Variants in ZBTB41 observed in about 807,000 individuals in gnomAD.
The protein encoded by ZBTB41 is zinc finger and BTB domain-containing protein 41.
Under a neutral mutation model 87.6 loss-of-function variants are expected in ZBTB41, and 42 were observed. That is an observed-to-expected ratio of 0.48 (90% CI 0.37 to 0.62). The LOEUF (loss-of-function observed/expected upper bound fraction) is 0.62, where lower values mean the gene tolerates loss of function less well. Ranked by LOEUF, ZBTB41 falls within the 20% of genes least tolerant of loss-of-function variation. The pLI, the probability that ZBTB41 is intolerant of heterozygous loss-of-function variation, is 0.00. For synonymous variants in ZBTB41, 364 were observed against 364.0 expected, an observed-to-expected ratio of 1.00 and a Z score of 0.00; for missense variants, 799 against 1,078.9, an observed-to-expected ratio of 0.74 and a Z score of 3.63.
chr1:197,191,946 C>T, intron 2 of ZBTB41, 47 bp from the exon 3 acceptor site: 1 of 1,444,730 alleles, frequency 6.9e-7, no homozygotes, highest in Non-Finnish European at 9.3e-7. Context: ...ATTTGCTATA[C>T]TGTGATTGGA....
intron 8 of ZBTB41, 136 bp from the exon 9 acceptor site, chr1:197,175,251 T>C (rs754761784): frequency 4.5e-5 from 29 of 638,464 alleles, no homozygotes; most frequent in Non-Finnish European, 6.8e-5. Flanking sequence ...TTCTGCACTA[T>C]TTGCTTTATA....
chr1:197,178,359 C>A, intron 7 of ZBTB41, 58 bp downstream of exon 7: 3 of 1,181,154 alleles, frequency 2.5e-6, no homozygotes, highest in South Asian at 3.1e-5. Context: ...GAAAATAGAA[C>A]TAAAATAGAG....
Position 197,154,403 on chromosome 1 carries a change from G to A in ZBTB41, c.*4956C>T, listed in dbSNP as rs1199276764. ...ATCCTTAATTTCTCTTTATGTAATT[G>A]GCTGCATAGGCTAAATTTAAATTGT... On this transcript the variant is annotated 3_prime_UTR_variant, in exon 11 of 11. Transcript: ENST00000367405. 6.6e-6 allele frequency: 1 copy of A among 151,830 alleles called. No homozygotes were observed. The highest frequency in any genetic ancestry group is 2.4e-5 in the African/African-American group (1 of 41,350). 9.4% of individuals were successfully genotyped at this position (151,830 alleles called of 1,614,324 possible). A position where few individuals can be genotyped will look rare whatever the true frequency, so the allele number is the denominator to read the frequency against.
At chr1:197,170,669 G>A (rs1216380887) in intron 10 of ZBTB41, among the ~76,000 whole-genome samples, 1 of 152,024 alleles carries the variant, frequency 6.6e-6, no homozygotes, top group Non-Finnish European at 1.5e-5. Context: ...GTCCTGTCTG[G>A]GTAGACTGTT....
chr1:197,181,086 C>T lies in ZBTB41; in HGVS notation c.1578G>A (p.Gln526=). Residue 526 remains glutamine, a synonymous_variant, in exon 6 of 11, where the codon CAG becomes CAA. Coordinates refer to ENST00000367405, the MANE Select transcript of ZBTB41 (RefSeq NM_194314.3). ...GTTTCAAATTTCCAGTGTCGTTAAA[C>T]TGGCGACCACATATATCACATGGAA... ...GPFPCDICGR[Q]FNDTGNLKRH... 4 of 1,601,562 alleles carry T rather than the reference C, an allele frequency of 2.5e-6. No homozygotes were observed. Among genetic ancestry groups the T allele is most frequent in the Non-Finnish European group, 2.5e-6 (3 of 1,177,108 alleles).
chr1:197,169,567 G>A (rs551503985), intron 10 of ZBTB41, among the ~76,000 whole-genome samples: 1 of 151,926 alleles, frequency 6.6e-6, no homozygotes, highest in Non-Finnish European at 1.5e-5. Flanking sequence ...TTACTGACTG[G>A]GAGGAGCCAT....
rs1424628284 is a variant in ZBTB41 at position 197,157,613 on chromosome 1, A to C, written c.*1746T>G. ...ATACTTTAAAAAGGAGAACATAGTA[A>C]GTATGTCCACTAGTCTTAAGACAAT... On this transcript the variant is annotated 3_prime_UTR_variant, in exon 11 of 11. Transcript: ENST00000367405. The C allele has an allele frequency of 2.6e-5, 4 of 152,278 alleles. No homozygotes were observed. Among genetic ancestry groups the C allele is most frequent in the Admixed American group, 1.3e-4 (2 of 15,232 alleles). 9.4% of individuals were successfully genotyped at this position (152,278 alleles called of 1,614,324 possible). A position where few individuals can be genotyped will look rare whatever the true frequency, so the allele number is the denominator to read the frequency against.
Position 197,162,570 on chromosome 1 carries a change from G to A in ZBTB41, c.2075-2556C>T, listed in dbSNP as rs182783676. Reference sequence around the variant, plus strand: ...ATTGGTATGTGAAAAATGTGCATTGGGAGACTTATTTCAGACTTATTTCAG... The same window carrying A: ...ATTGGTATGTGAAAAATGTGCATTGAGAGACTTATTTCAGACTTATTTCAG... On this transcript the variant is annotated intron_variant, in intron 10 of 10. Transcript: ENST00000367405. 1.4e-3 allele frequency among the ~76,000 whole-genome samples: 211 copies of A among 152,204 alleles called. 3 individuals carry two copies. The South Asian group carries it at 0.019, about 14-fold the overall frequency.
intron 4 of ZBTB41, 39 bp from the exon 5 acceptor site, chr1:197,188,478 A>G (rs1280230527): frequency 2.0e-6 from 3 of 1,523,988 alleles, no homozygotes; most frequent in South Asian, 1.2e-5. Context: ...GAGAACCTGA[A>G]TTAAAAATTG....
At chr1:197,186,549 A>G (rs954003525) in intron 5 of ZBTB41, among the ~76,000 whole-genome samples, 6 of 152,192 alleles carry the variant, frequency 3.9e-5, no homozygotes, top group African/African-American at 1.4e-4. Flanking sequence ...AAACTCAACA[A>G]TAAGTAAGCA....
At position 197,159,239 on chromosome 1, in the gene ZBTB41, T is replaced by C; in HGVS notation, c.*120A>G. The C allele has an allele frequency of 2.1e-6, 2 of 947,134 alleles. No individual in the cohort carries two copies. Among genetic ancestry groups the C allele is most frequent in the Non-Finnish European group, 3.1e-6 (2 of 637,898 alleles). 58.7% of individuals were successfully genotyped at this position (947,134 alleles called of 1,614,324 possible). ...ACACATAGTTTTCTTGATTTGAAAC[T>C]GTTCTGAGGACTTGAGAAACTAGAG... On this transcript the variant is annotated 3_prime_UTR_variant, in exon 11 of 11. Transcript: ENST00000367405.
chr1:197,195,104 TA>T (rs1660132760), intron 2 of ZBTB41, among the ~76,000 whole-genome samples: 1 of 152,204 alleles, frequency 6.6e-6, no homozygotes, highest in Admixed American at 6.5e-5. Context: ...TAATAATGTA[TA>T]AATCAAAATG....
chr1:197,155,578 CATATT>C lies in ZBTB41; in HGVS notation c.*3776_*3780del, dbSNP rs540088567. On this transcript the variant is annotated 3_prime_UTR_variant, in exon 11 of 11. Coordinates refer to ENST00000367405, the MANE Select transcript of ZBTB41 (RefSeq NM_194314.3). ...TAGGAAGAAAACTCAAGCTTATAAA[CATATT>C]AGTTTAACTGTGTTTTTAATTTGTT... 26 of 152,288 alleles carry C rather than the reference CATATT, an allele frequency of 1.7e-4. No individual in the cohort carries two copies. The highest frequency in any genetic ancestry group is 6.3e-4 in the African/African-American group (26 of 41,432). The allele number at this position is 152,288 out of a possible 1,614,324, so 9.4% of individuals were successfully genotyped here. A position where few individuals can be genotyped will look rare whatever the true frequency, so the allele number is the denominator to read the frequency against.
Position 197,156,035 on chromosome 1 carries a change from C to T in ZBTB41, c.*3324G>A, listed in dbSNP as rs186952434. The T allele has an allele frequency of 2.6e-5, 4 of 152,300 alleles. No homozygotes were observed. Among genetic ancestry groups the T allele is most frequent in the East Asian group, 1.9e-4 (1 of 5,182 alleles). 9.4% of individuals were successfully genotyped at this position (152,300 alleles called of 1,614,324 possible). A position where few individuals can be genotyped will look rare whatever the true frequency, so the allele number is the denominator to read the frequency against. On this transcript the variant is annotated 3_prime_UTR_variant, in exon 11 of 11. Coordinates refer to ENST00000367405, the MANE Select transcript of ZBTB41 (RefSeq NM_194314.3). ...TAGTGTAAAAAATAGGCTTATTTAG[C>T]ATTTAGTAGTGTTCTCTAAAAAACA... is the stretch of plus-strand genomic sequence containing the variant.
Position 197,168,673 on chromosome 1 carries a change from C to T in ZBTB41, c.2074+3487G>A, listed in dbSNP as rs115508879. On this transcript the variant is annotated intron_variant, in intron 10 of 10. Coordinates refer to ENST00000367405, the MANE Select transcript of ZBTB41 (RefSeq NM_194314.3). ...TAAAATAAATCTTCTAGAAGGTAACCGCAAAAAATATTAATGACCTTGGGT... is the reference window on the plus strand; with the variant it reads ...TAAAATAAATCTTCTAGAAGGTAACTGCAAAAAATATTAATGACCTTGGGT... 2.5e-3 allele frequency among the ~76,000 whole-genome samples: 374 copies of T among 151,818 alleles called. 2 individuals are homozygous for T. Among genetic ancestry groups the T allele is most frequent in the African/African-American group, 8.4e-3 (346 of 41,428 alleles).
At chr1:197,176,268 T>C (rs555862371) in intron 8 of ZBTB41, among the ~76,000 whole-genome samples, 7 of 152,232 alleles carry the variant, frequency 4.6e-5, no homozygotes, top group Admixed American at 2.0e-4. Flanking sequence ...ATAGCAATTA[T>C]TAGATATATC....
rs1202601872 is a variant in ZBTB41, at chr1:197,156,446, G to T, written c.*2913C>A. The T allele has an allele frequency of 6.6e-6, 1 of 152,062 alleles. No individual in the cohort carries two copies. The highest frequency in any genetic ancestry group is 1.5e-5 in the Non-Finnish European group (1 of 67,736). 9.4% of individuals were successfully genotyped at this position (152,062 alleles called of 1,614,324 possible). On this transcript the variant is annotated 3_prime_UTR_variant, in exon 11 of 11. Transcript: ENST00000367405. ...AAATTAATTTAAAACAATAAATTAT[G>T]CTCACAAAATAAAAAAATTCTGAAT...
In ZBTB41 at chr1:197,191,787, G is replaced by A; in HGVS notation, c.1233C>T (p.His411=). The part of the protein sequence containing the change: ...KSNLTVHRKK[H]SNETEFHKKE... ...TCTTATGAAATTCTGTTTCATTACT[G>A]TGCTTCTTTCTGTGAACAGTTAGGT... Residue 411 remains histidine, a synonymous_variant, in exon 3 of 11, where the codon CAC becomes CAT. Transcript: ENST00000367405. 6.2e-7 allele frequency: 1 copy of A among 1,613,724 alleles called. No individual in the cohort carries two copies. Among genetic ancestry groups the A allele is most frequent in the Non-Finnish European group, 8.5e-7 (1 of 1,179,854 alleles).
chr1:197,165,322 G>A lies in ZBTB41; in HGVS notation c.2075-5308C>T, dbSNP rs150031386. Among the ~76,000 whole-genome samples, 607 of 152,026 alleles carry A rather than the reference G, an allele frequency of 4.0e-3. 7 individuals are homozygous for A. The highest frequency in any genetic ancestry group is 0.013 in the African/African-American group (524 of 41,478). On this transcript the variant is annotated intron_variant, in intron 10 of 10. Transcript: ENST00000367405. ...ATGGAAATATGAAATTAAAAATGAGGTACGGAGCCAGGCATGGTGGCTCAT... is the reference window on the plus strand; with the variant it reads ...ATGGAAATATGAAATTAAAAATGAGATACGGAGCCAGGCATGGTGGCTCAT...
Sources: gnomAD v4.1 joint callset for allele counts (sites outside exome capture counted in the v4.1 genomes callset) on GRCh38, gnomAD v4.1.1 for gene constraint, MANE v1.5 for transcripts, NCBI Gene and HGNC (gene_info 2026-07-23, HGNC 2026-07-21) for gene names.